The following KCNN2 variants were observed in gnomAD, a reference collection of about 807,000 sequenced individuals.
The protein encoded by KCNN2 is potassium calcium-activated channel subfamily N member 2, also known as small conductance calcium-activated potassium channel protein 2.
Under a neutral mutation model 55.5 loss-of-function variants are expected in KCNN2, and 24 were observed. The observed-to-expected ratio is 0.43, with a 90% CI of 0.31 to 0.61. KCNN2 has a LOEUF of 0.61. Ranked by LOEUF, KCNN2 falls within the 20% of genes least tolerant of loss-of-function variation. KCNN2 has a pLI of 0.08. For synonymous variants in KCNN2, 431 were observed against 336.1 expected, an observed-to-expected ratio of 1.28 and a Z score of -3.09; for missense variants, 754 against 853.6, an observed-to-expected ratio of 0.88 and a Z score of 1.45.
intron 2 of KCNN2, among the ~76,000 whole-genome samples, chr5:114,249,318 C>T (rs1252007653): frequency 3.3e-5 from 5 of 149,298 alleles, no homozygotes; most frequent in Non-Finnish European, 7.4e-5. Context: ...GAATCTGGCT[C>T]TGTCACCTAG....
chr5:114,087,541 T>TC (rs1168256520), intron 1 of KCNN2, among the ~76,000 whole-genome samples: 1 of 152,102 alleles, frequency 6.6e-6, no homozygotes, highest in East Asian at 1.9e-4. Flanking sequence ...GGTAGTCCTT[T>TC]CCCCCCTCTT....
At chr5:114,421,562 G>A (rs1037558255) in intron 3 of KCNN2, among the ~76,000 whole-genome samples, 1 of 151,664 alleles carries the variant, frequency 6.6e-6, no homozygotes, top group Admixed American at 6.6e-5. Context: ...CCTACCAGAA[G>A]TGTATAAGTA....
At chr5:114,169,256 G>C (rs1752981013) in intron 1 of KCNN2, among the ~76,000 whole-genome samples, 1 of 152,028 alleles carries the variant, frequency 6.6e-6, no homozygotes, top group Non-Finnish European at 1.5e-5. Flanking sequence ...AAAGATACAA[G>C]GAACAATGTC....
intron 1 of KCNN2, among the ~76,000 whole-genome samples, chr5:114,182,272 GAT>G (rs541229909): frequency 2.3e-4 from 35 of 151,848 alleles, no homozygotes; most frequent in Non-Finnish European, 4.4e-4. Context: ...CCTGCCTGCT[GAT>G]ATGTCTTTAT....
chr5:114,194,471 G>A (rs918537132), intron 1 of KCNN2, among the ~76,000 whole-genome samples: 1 of 151,978 alleles, frequency 6.6e-6, no homozygotes, highest in East Asian at 1.9e-4. Flanking sequence ...ATCATTTTGT[G>A]TGCTTAATGC....
chr5:114,246,934 A>G (rs1260484229), intron 2 of KCNN2, among the ~76,000 whole-genome samples: 1 of 151,938 alleles, frequency 6.6e-6, no homozygotes, highest in Non-Finnish European at 1.5e-5. Context: ...CGAAGGAAAC[A>G]ACACTGTTGT....
At chr5:114,162,839 A>C (rs1181008792) in intron 1 of KCNN2, among the ~76,000 whole-genome samples, 4 of 152,086 alleles carry the variant, frequency 2.6e-5, no homozygotes, top group Admixed American at 2.0e-4. Context: ...CCGTTTGTTA[A>C]GTCGGTTGGA....
At chr5:114,367,290 C>A (rs1268137927) in intron 2 of KCNN2, among the ~76,000 whole-genome samples, 1 of 152,246 alleles carries the variant, frequency 6.6e-6, no homozygotes, top group East Asian at 1.9e-4. Flanking sequence ...GTGCACCAGG[C>A]AACAATTTTG....
chr5:114,214,023 A>G (rs1209095369), intron 1 of KCNN2, among the ~76,000 whole-genome samples: 1 of 152,034 alleles, frequency 6.6e-6, no homozygotes, highest in African/African-American at 2.4e-5. Context: ...CCTCACAAGA[A>G]TCCTAGGAGA....
At position 114,336,125 on chromosome 5, in the gene KCNN2, G is replaced by C. The variant is rs1430660490; in HGVS notation, c.-184-24820G>C. On this transcript the variant is annotated intron_variant, in intron 2 of 10. Coordinates refer to the KCNN2 transcript ENST00000512097. ...CTGCCTTTAAGTACACGAATAAGGA[G>C]GATTAGTTGTTTACCTTGTTTTGCA... Among the ~76,000 whole-genome samples, 218 of 152,146 alleles carry C rather than the reference G, an allele frequency of 1.4e-3. 1 individual carries two copies. Among genetic ancestry groups the C allele is most frequent in the Non-Finnish European group, 1.8e-4 (12 of 68,038 alleles).
intron 1 of KCNN2, among the ~76,000 whole-genome samples, chr5:114,109,330 G>C (rs1751548550): frequency 6.6e-6 from 1 of 152,084 alleles, no homozygotes. Context: ...CAGGGTACAA[G>C]TTACCATCTT....
chr5:114,061,935 T>C (rs993813271), intron 1 of KCNN2, among the ~76,000 whole-genome samples: 2 of 152,138 alleles, frequency 1.3e-5, no homozygotes, highest in Non-Finnish European at 2.9e-5. Context: ...AGAGAAAAAA[T>C]ACAGGAATCA....
intron 1 of KCNN2, among the ~76,000 whole-genome samples, chr5:114,063,862 G>T (rs1750383314): frequency 6.6e-6 from 1 of 152,238 alleles, no homozygotes; most frequent in Non-Finnish European, 1.5e-5. Context: ...AGTGATTGGT[G>T]TGTAGTCTAA....
chr5:114,155,883 A>G (rs1752622955), intron 1 of KCNN2, among the ~76,000 whole-genome samples: 1 of 152,132 alleles, frequency 6.6e-6, no homozygotes, highest in Admixed American at 6.6e-5. Context: ...TCTTTGGCTT[A>G]ATTAGATCCT....
chr5:114,158,472 ACTTGGCAATGCAGGCT>A (rs1752689692), intron 1 of KCNN2, among the ~76,000 whole-genome samples: 1 of 152,016 alleles, frequency 6.6e-6, no homozygotes. Context: ...CTTAGGATTG[ACTTGGCAATGCAGGCT>A]CTTTTTTGGT....
At chr5:114,227,977 A>G (rs1295069698) in intron 2 of KCNN2, among the ~76,000 whole-genome samples, 2 of 151,394 alleles carry the variant, frequency 1.3e-5, no homozygotes, top group Non-Finnish European at 2.9e-5. Flanking sequence ...GTGCCAAACA[A>G]TGATTGATGA....
intron 1 of KCNN2, among the ~76,000 whole-genome samples, chr5:114,108,635 T>C (rs1028458614): frequency 6.6e-6 from 1 of 152,234 alleles, no homozygotes; most frequent in East Asian, 1.9e-4. Flanking sequence ...GGGAGGGGGA[T>C]TCTGACTCCT....
intron 3 of KCNN2, among the ~76,000 whole-genome samples, chr5:114,424,626 C>T (rs530394700): frequency 3.9e-5 from 6 of 152,260 alleles, no homozygotes; most frequent in African/African-American, 1.4e-4. Flanking sequence ...TTCGGAGAGG[C>T]CAGGCACTGG....
At chr5:114,085,141 G>A (rs1002435923) in intron 1 of KCNN2, among the ~76,000 whole-genome samples, 1 of 151,838 alleles carries the variant, frequency 6.6e-6, no homozygotes, top group Non-Finnish European at 1.5e-5. Flanking sequence ...TTTGAAGTCA[G>A]ATAGTGTGTG....
Sources: gnomAD v4.1 joint callset for allele counts (sites outside exome capture counted in the v4.1 genomes callset) on GRCh38, gnomAD v4.1.1 for gene constraint, MANE v1.5 for transcripts, NCBI Gene and HGNC (gene_info 2026-07-23, HGNC 2026-07-21) for gene names.